The following SYT7 variants were observed in gnomAD, a reference collection of about 807,000 sequenced individuals.
SYT7 encodes the protein synaptotagmin 7, also known as synaptotagmin-7.
Under a neutral mutation model 75.1 loss-of-function variants are expected in SYT7, and 29 were observed. That is an observed-to-expected ratio of 0.39 (90% CI 0.29 to 0.53). The LOEUF (loss-of-function observed/expected upper bound fraction) is 0.53. SYT7 is among the 20% of genes least tolerant of loss of function. The pLI is 0.77. For synonymous variants in SYT7, 376 were observed against 401.7 expected (o/e 0.94, Z 0.76); for missense variants, 693 against 953.2 (o/e 0.73, Z 3.59).
At chr11:61,560,867 T>C (rs1012687214) in intron 1 of SYT7, among the ~76,000 whole-genome samples, 2 of 152,094 alleles carry the variant, frequency 1.3e-5, no homozygotes, top group Non-Finnish European at 2.9e-5. Flanking sequence ...AAGCAGGTCC[T>C]TCCTGGACGG....
intron 9 of SYT7, chr11:61,526,281 G>C (rs967408131): frequency 6.6e-6 from 1 of 152,148 alleles, no homozygotes. Flanking sequence ...GGGACCCTTG[G>C]CATCAATTTA....
chr11:61,533,174 T>A (rs778633219), intron 7 of SYT7, 50 bp from the exon 8 acceptor site: 2 of 1,511,178 alleles, frequency 1.3e-6, no homozygotes, highest in Admixed American at 3.9e-5. Context: ...TGAGCTGCGT[T>A]GGGCACCCCG....
chr11:61,580,970 G>C lies in SYT7; in HGVS notation c.-150C>G. ...GCGGGCTGCACCTAGCCGCGGAGCC[G>C]GGGAGCGGGGGCCGCCCGCCAGCCC... On this transcript the variant is annotated 5_prime_UTR_variant, in exon 1 of 13. Coordinates refer to ENST00000539008, the MANE Select transcript of SYT7 (RefSeq NM_001365809.2). This position sits in a 1 kb window ranked among gnomAD's most constrained non-coding sequence, Gnocchi z 6.1. The C allele has an allele frequency of 2.0e-6, 2 of 980,238 alleles. No homozygotes were observed. Among genetic ancestry groups the C allele is most frequent in the Non-Finnish European group, 2.4e-6 (2 of 826,600 alleles). 60.7% of individuals were successfully genotyped at this position (980,238 alleles called of 1,614,324 possible). A position where few individuals can be genotyped will look rare whatever the true frequency, so the allele number is the denominator to read the frequency against.
Position 61,580,435 on chromosome 11 carries a change from G to T in SYT7, c.31+355C>A, listed in dbSNP as rs535116777. 1.1e-3 allele frequency among the ~76,000 whole-genome samples: 174 copies of T among 152,224 alleles called. No individual in the cohort carries two copies. Among genetic ancestry groups the T allele is most frequent in the African/African-American group, 4.0e-3 (168 of 41,550 alleles). On this transcript the variant is annotated intron_variant, in intron 1 of 12. Coordinates refer to ENST00000539008, the MANE Select transcript of SYT7 (RefSeq NM_001365809.2). This position sits in a 1 kb window ranked among gnomAD's most constrained non-coding sequence, Gnocchi z 6.1. ...GCGCTGGCACCCCCGGGGCACCGGT[G>T]CTGGGGAGCCTCGGGTGCCTCTGAG...
chr11:61,575,360 ACAGAGATGATAGGCAGCCCTCCT>A (rs1311488308), intron 1 of SYT7, among the ~76,000 whole-genome samples: 2 of 152,182 alleles, frequency 1.3e-5, no homozygotes, highest in African/African-American at 4.8e-5. Context: ...CAGGGTCACT[ACAGAGATGATAGGCAGCCCTCCT>A]CTTAGGGCCT....
chr11:61,563,598 G>C (rs771522856), intron 1 of SYT7, among the ~76,000 whole-genome samples: 5 of 152,146 alleles, frequency 3.3e-5, no homozygotes, highest in Non-Finnish European at 7.4e-5. Flanking sequence ...GAATGTGATG[G>C]CATTCTATAA....
rs772508170 is a variant in SYT7 at position 61,524,453 on chromosome 11, G to A, written c.1551C>T (p.Pro517=). Residue 517 remains proline, a synonymous_variant, in exon 10 of 13, where the codon CCC becomes CCT. Coordinates refer to ENST00000539008, the MANE Select transcript of SYT7 (RefSeq NM_001365809.2). The surrounding 1 kb of genome is among the most constrained non-coding windows in gnomAD (Gnocchi z 4.1). ...TAAGGGGGATGGACACCTCCCCAATGGGGTCGTTGCGGCTGAAGCGGTCAT... is the reference window on the plus strand; with the variant it reads ...TAAGGGGGATGGACACCTCCCCAATAGGGTCGTTGCGGCTGAAGCGGTCAT... The part of the protein sequence containing the change: ...LDYDRFSRND[P]IGEVSIPLNK... 14 of 1,613,576 alleles carry A rather than the reference G, an allele frequency of 8.7e-6. No individual in the cohort carries two copies. The highest frequency in any genetic ancestry group is 7.7e-5 in the South Asian group (7 of 91,014).
At chr11:61,588,113 G>A in the SYT7 span, among the ~76,000 whole-genome samples, 1 of 152,216 alleles carries the variant, frequency 6.6e-6, no homozygotes. Flanking sequence ...TCAGGAGGAT[G>A]ACGGGAGGGG....
chr11:61,584,559 G>A (rs930137784), upstream of SYT7, among the ~76,000 whole-genome samples: 4 of 152,170 alleles, frequency 2.6e-5, no homozygotes, highest in Non-Finnish European at 5.9e-5. Flanking sequence ...TCTTCCAGAT[G>A]TCTAACCATG....
intron 1 of SYT7, among the ~76,000 whole-genome samples, chr11:61,575,339 T>G (rs1027514234): frequency 1.3e-5 from 2 of 152,072 alleles, no homozygotes; most frequent in African/African-American, 4.8e-5. Flanking sequence ...ACTATTAGGG[T>G]TTGTCACTAT....
intron 2 of SYT7, among the ~76,000 whole-genome samples, chr11:61,554,158 C>G (rs1283800171): frequency 1.3e-5 from 2 of 152,106 alleles, no homozygotes; most frequent in Admixed American, 1.3e-4. Flanking sequence ...GTGCTGACAG[C>G]CCCCCATCTG....
Position 61,551,607 on chromosome 11 carries a change from G to T in SYT7, c.136-144C>A. 1 of 786,954 alleles carries T rather than the reference G, an allele frequency of 1.3e-6. No homozygotes were observed. The highest frequency in any genetic ancestry group is 2.0e-6 in the Non-Finnish European group (1 of 489,560). The allele number at this position is 786,954 out of a possible 1,614,324, so 48.7% of individuals were successfully genotyped here. ...AGGACCAGTGTGCGAGGCTGTCACC[G>T]CGGTGGGGGCCAATCCCCTGGATGC... is the stretch of plus-strand genomic sequence containing the variant. On this transcript the variant is annotated intron_variant, in intron 2 of 12. Coordinates refer to ENST00000539008, the MANE Select transcript of SYT7 (RefSeq NM_001365809.2). This position sits in a 1 kb window ranked among gnomAD's most constrained non-coding sequence, Gnocchi z 5.3.
chr11:61,541,049 T>C, intron 6 of SYT7: 1 of 985,518 alleles, frequency 1.0e-6, no homozygotes, highest in Non-Finnish European at 1.2e-6. Context: ...GAAGCTGGCA[T>C]GGCAGGGCCT....
At chr11:61,532,889 A>G in intron 8 of SYT7, 100 bp downstream of exon 8, 6 of 1,506,046 alleles carry the variant, frequency 4.0e-6, no homozygotes, top group Admixed American at 1.9e-5. Flanking sequence ...CTGCCTGGCC[A>G]CTCCCATGCT....
intron 9 of SYT7, among the ~76,000 whole-genome samples, chr11:61,527,216 A>AG (rs1282410091): frequency 6.6e-6 from 1 of 151,942 alleles, no homozygotes; most frequent in African/African-American, 2.4e-5. Flanking sequence ...CATGCGGGGG[A>AG]GGGGGTCAGA....
intron 7 of SYT7, among the ~76,000 whole-genome samples, chr11:61,536,828 G>A (rs2062883504): frequency 6.6e-6 from 1 of 152,208 alleles, no homozygotes; most frequent in African/African-American, 2.4e-5. Context: ...GCCCAGGGCA[G>A]CAGCCTGGGA....
Position 61,551,877 on chromosome 11 carries a change from A to G in SYT7, c.136-414T>C, listed in dbSNP as rs567504666. Reference sequence around the variant, plus strand: ...TGGTGGGGGTGGCATCCTGCAGGGCAAGGTTGGCAGTGGCCAGTGATGTGA... The same window carrying G: ...TGGTGGGGGTGGCATCCTGCAGGGCGAGGTTGGCAGTGGCCAGTGATGTGA... On this transcript the variant is annotated intron_variant, in intron 2 of 12. Transcript: ENST00000539008. This position sits in a 1 kb window ranked among gnomAD's most constrained non-coding sequence, Gnocchi z 5.3. Among the ~76,000 whole-genome samples, 100 of 152,180 alleles carry G rather than the reference A, an allele frequency of 6.6e-4. 1 individual carries two copies. The highest frequency in any genetic ancestry group is 3.4e-3 in the Middle Eastern group (1 of 294).
At chr11:61,543,331 T>A (rs552318279) in intron 5 of SYT7, among the ~76,000 whole-genome samples, 15 of 152,238 alleles carry the variant, frequency 9.9e-5, no homozygotes, top group African/African-American at 3.6e-4. Context: ...GAACCCAGTA[T>A]CCCCTCATCC....
rs777352659 is a variant in SYT7 at position 61,558,485 on chromosome 11, TAC to T, written c.32-2280_32-2279del. On this transcript the variant is annotated intron_variant, in intron 1 of 12. Transcript: ENST00000539008. ...ACTCTGTTTCAAAAAAATATATATATACACACACACACACACACATACACACA... is the reference window on the plus strand; with the variant it reads ...ACTCTGTTTCAAAAAAATATATATATACACACACACACACACATACACACA... Among the ~76,000 whole-genome samples the T allele has an allele frequency of 3.7e-4, 51 of 137,350 alleles. 1 individual carries two copies. The highest frequency in any genetic ancestry group is 6.9e-3 in the Middle Eastern group (2 of 288). 90.1% of individuals were successfully genotyped at this position (137,350 alleles called of 152,430 possible).
Sources: gnomAD v4.1 joint callset for allele counts (sites outside exome capture counted in the v4.1 genomes callset) on GRCh38, gnomAD v4.1.1 for gene constraint, Gnocchi (gnomAD v3.1) non-coding constraint, MANE v1.5 for transcripts, NCBI Gene and HGNC (gene_info 2026-07-23, HGNC 2026-07-21) for gene names.